CFAP44: variants seen among roughly 807,000 people sequenced by gnomAD.
The protein encoded by CFAP44 is cilia- and flagella-associated protein 44.
A neutral mutation model predicts 216.2 loss-of-function variants in CFAP44; 134 were observed. The observed-to-expected ratio is 0.62, with a 90% CI of 0.54 to 0.72. The LOEUF is 0.72. Ranked by LOEUF, CFAP44 falls within the 30% of genes least tolerant of loss-of-function variation. The pLI is 0.00. For synonymous variants in CFAP44, 700 were observed against 727.6 expected (o/e 0.96, Z 0.61); for missense variants, 2,035 against 2,182.1 (o/e 0.93, Z 1.34).
In CFAP44 at chr3:113,333,558, A is replaced by G. The variant is rs1389297925; in HGVS notation, c.3463T>C (p.Tyr1155His). The change falls in exon 25 of 35, where the codon TAT (tyrosine) becomes CAT (histidine). Residue 1155 changes from tyrosine (Y) to histidine (H), a missense_variant. Physicochemically the swap from Tyr to His is moderately conservative, Grantham distance 83. This residue lies in a region of CFAP44 where 1,883 missense variants were observed against 2,023.7 expected (regional missense o/e 0.93). Transcript: ENST00000393845. The part of the protein sequence containing the change: ...ELYKSKPGDD[Y>H]EDPKDLQAIK... Reference sequence around the variant, plus strand: ...GCTTGAAGATCTTTGGGATCTTCATAGTCATCACCAGGTTTACTCTTGTAT... The same window carrying G: ...GCTTGAAGATCTTTGGGATCTTCATGGTCATCACCAGGTTTACTCTTGTAT... The G allele has an allele frequency of 6.5e-7, 1 of 1,536,036 alleles. No individual in the cohort carries two copies. Among genetic ancestry groups the G allele is most frequent in the Non-Finnish European group, 8.7e-7 (1 of 1,146,636 alleles).
Position 113,305,069 on chromosome 3 carries a change from T to C in CFAP44, c.4842A>G (p.Glu1614=). The part of the protein sequence containing the change: ...YQREKQQRLN[E]LLVVIPLKLH... ...GCTTGAGCGGAATCACAACTAGCAGTTCATTCAGCCGCTGCTGCTTCTCTC... is the reference window on the plus strand; with the variant it reads ...GCTTGAGCGGAATCACAACTAGCAGCTCATTCAGCCGCTGCTGCTTCTCTC... Residue 1614 remains glutamate, a synonymous_variant, in exon 31 of 35, where the codon GAA becomes GAG. Transcript: ENST00000393845. 1.3e-6 allele frequency: 2 copies of C among 1,537,260 alleles called. No individual in the cohort carries two copies. The highest frequency in any genetic ancestry group is 8.7e-7 in the Non-Finnish European group (1 of 1,146,908).
chr3:113,426,181 G>C lies in CFAP44; in HGVS notation c.350C>G (p.Ala117Gly). The change falls in exon 4 of 35, where the codon GCT (alanine) becomes GGT (glycine). Residue 117 changes from alanine (A) to glycine (G), a missense_variant. Ala to Gly is a moderately conservative substitution (Grantham distance 60, BLOSUM62 0). Transcript: ENST00000393845. ...ATCCAGAGTCACAAAAGGCATCGAAGCAAGCTCCATATAATCATAGAAGAA... is the reference window on the plus strand; with the variant it reads ...ATCCAGAGTCACAAAAGGCATCGAACCAAGCTCCATATAATCATAGAAGAA... ...ESFFYDYMEL[A>G]SMPFVTLDSN... The C allele has an allele frequency of 6.2e-7, 1 of 1,614,110 alleles. No homozygotes were observed. The highest frequency in any genetic ancestry group is 8.5e-7 in the Non-Finnish European group (1 of 1,179,978).
In CFAP44 at chr3:113,401,590, C is replaced by T. The variant is rs1156344908; in HGVS notation, c.1320G>A (p.Leu440=). ...KMNETGNNFW[L]AQDANGAIWK... is the part of the protein sequence containing the mutation. The stretch of plus-strand genomic sequence containing the variant: ...AGACAAGAATGCAACACACCTGAGC[C>T]AACCAAAAGTTATTTCCAGTTTCAT... Residue 440 remains leucine, a synonymous_variant, in exon 10 of 35, where the codon TTG becomes TTA. Coordinates refer to ENST00000393845, the MANE Select transcript of CFAP44 (RefSeq NM_001164496.2). 1 of 1,613,002 alleles carries T rather than the reference C, an allele frequency of 6.2e-7. No homozygotes were observed. The highest frequency in any genetic ancestry group is 8.5e-7 in the Non-Finnish European group (1 of 1,179,580).
intron 33 of CFAP44, 119 bp downstream of exon 33, chr3:113,296,594 TGGGGCAGCCAAA>T: frequency 9.8e-7 from 1 of 1,016,340 alleles, no homozygotes; most frequent in Non-Finnish European, 1.4e-6. Context: ...CCTAAGATCC[TGGGGCAGCCAAA>T]GGGGGCTCGC....
chr3:113,406,865 G>A lies in CFAP44; in HGVS notation c.1005+62C>T, dbSNP rs1007742041. 3.5e-5 allele frequency: 40 copies of A among 1,142,768 alleles called. No homozygotes were observed. The African/African-American group carries it at 5.8e-4, about 17-fold the overall frequency. 70.8% of individuals were successfully genotyped at this position (1,142,768 alleles called of 1,614,324 possible). A position where few individuals can be genotyped will look rare whatever the true frequency, so the allele number is the denominator to read the frequency against. ...AGCTTGTTAGAATTTTCATATATGT[G>A]TGCTTTCATATATGTACTTGAAAAC... On this transcript the variant is annotated intron_variant, in intron 8 of 34. Coordinates refer to ENST00000393845, the MANE Select transcript of CFAP44 (RefSeq NM_001164496.2).
At chr3:113,439,132 G>A (rs375151140) in intron 1 of CFAP44, among the ~76,000 whole-genome samples, 1 of 152,098 alleles carries the variant, frequency 6.6e-6, no homozygotes, top group Non-Finnish European at 1.5e-5. Context: ...CATAAATTTC[G>A]TTTCATTAGA....
chr3:113,355,101 A>G (rs563813012), intron 22 of CFAP44, among the ~76,000 whole-genome samples: 146 of 152,216 alleles, frequency 9.6e-4, no homozygotes, highest in African/African-American at 3.3e-3. Flanking sequence ...AGGATTAAAG[A>G]CTACACATTG....
chr3:113,337,334 T>C (rs933108162), intron 24 of CFAP44, among the ~76,000 whole-genome samples: 1 of 152,028 alleles, frequency 6.6e-6, no homozygotes, highest in Non-Finnish European at 1.5e-5. Context: ...AGTCATACCA[T>C]GTCCATGGAT....
At chr3:113,331,097 C>G (rs1398794382) in intron 25 of CFAP44, among the ~76,000 whole-genome samples, 1 of 152,180 alleles carries the variant, frequency 6.6e-6, no homozygotes, top group African/African-American at 2.4e-5. Flanking sequence ...GGCTGCCCAC[C>G]TAGGCCCAAA....
chr3:113,319,310 T>C (rs1397442452), intron 28 of CFAP44, among the ~76,000 whole-genome samples: 2 of 152,164 alleles, frequency 1.3e-5, no homozygotes, highest in Non-Finnish European at 2.9e-5. Flanking sequence ...AAACAGACTT[T>C]AAACCAATAA....
chr3:113,387,079 C>T (rs993623474), intron 15 of CFAP44, among the ~76,000 whole-genome samples: 8 of 152,168 alleles, frequency 5.3e-5, no homozygotes, highest in Non-Finnish European at 7.4e-5. Flanking sequence ...AAGTGCTCTG[C>T]GATCCTAAAT....
At chr3:113,416,276 C>A (rs1460249384) in intron 6 of CFAP44, among the ~76,000 whole-genome samples, 1 of 151,950 alleles carries the variant, frequency 6.6e-6, no homozygotes, top group East Asian at 1.9e-4. Flanking sequence ...AGATGGGTCT[C>A]CAGAATTACA....
intron 19 of CFAP44, among the ~76,000 whole-genome samples, chr3:113,364,749 A>T (rs1185529293): frequency 6.6e-6 from 1 of 152,132 alleles, no homozygotes; most frequent in Non-Finnish European, 1.5e-5. Flanking sequence ...GTAGAATCAC[A>T]TGAAGGATAG....
At chr3:113,370,271 C>T (rs1315284164) in intron 18 of CFAP44, among the ~76,000 whole-genome samples, 1 of 152,016 alleles carries the variant, frequency 6.6e-6, no homozygotes, top group African/African-American at 2.4e-5. Flanking sequence ...GGCAGAGACA[C>T]AACAAAAAAA....
chr3:113,291,838 G>C (rs1949832247), intron 34 of CFAP44, 90 bp from the exon 35 acceptor site: 17 of 1,380,592 alleles, frequency 1.2e-5, no homozygotes. Flanking sequence ...ATGAGTGCTG[G>C]CCTGACAGTC....
In CFAP44 at chr3:113,401,305, T is replaced by C. The variant is rs1934134697; in HGVS notation, c.1327-18A>G. On this transcript the variant is annotated intron_variant, in intron 10 of 34. Coordinates refer to ENST00000393845, the MANE Select transcript of CFAP44 (RefSeq NM_001164496.2). ...TTGGCATCCTAAAAAAATTAAATAG[T>C]ATTTTGTTTTATCATTTTAAACTTT... 6.4e-7 allele frequency: 1 copy of C among 1,570,150 alleles called. No homozygotes were observed. Among genetic ancestry groups the C allele is most frequent in the Non-Finnish European group, 8.6e-7 (1 of 1,164,304 alleles).
chr3:113,389,940 A>C (rs1390342028), intron 15 of CFAP44, among the ~76,000 whole-genome samples: 1 of 151,964 alleles, frequency 6.6e-6, no homozygotes, highest in Non-Finnish European at 1.5e-5. Context: ...AAGAATACCA[A>C]TCATGCTCAA....
intron 19 of CFAP44, among the ~76,000 whole-genome samples, chr3:113,365,737 C>T (rs1950580803): frequency 6.6e-6 from 1 of 151,702 alleles, no homozygotes; most frequent in Admixed American, 6.6e-5. Context: ...AAATTGCAAA[C>T]TTTGAAAAAA....
At chr3:113,352,131 A>G (rs1366974204) in intron 22 of CFAP44, among the ~76,000 whole-genome samples, 4 of 152,190 alleles carry the variant, frequency 2.6e-5, no homozygotes, top group Non-Finnish European at 1.5e-5. Context: ...TTTTCTGTCT[A>G]GCTAGAGGAT....
Sources: allele counts gnomAD v4.1 joint callset (sites outside exome capture counted in the v4.1 genomes callset), GRCh38; gene constraint gnomAD v4.1.1; regional missense constraint gnomAD v4.1.1; transcripts MANE v1.5; gene names NCBI Gene and HGNC (gene_info 2026-07-23, HGNC 2026-07-21).